Variants in MCMBP observed in about 807,000 individuals in gnomAD.
The protein encoded by MCMBP is mini-chromosome maintenance complex-binding protein.
Under a neutral mutation model 81.3 loss-of-function variants are expected in MCMBP, and 31 were observed. The ratio of observed to expected loss-of-function variants is 0.38; its 90% CI spans 0.29 to 0.51. The LOEUF (loss-of-function observed/expected upper bound fraction) is 0.51. MCMBP is among the 20% of genes least tolerant of loss of function. MCMBP has a pLI of 0.87. For synonymous variants in MCMBP, 267 were observed against 275.9 expected, an observed-to-expected ratio of 0.97 and a Z score of 0.32; for missense variants, 645 against 772.1, an observed-to-expected ratio of 0.84 and a Z score of 1.95.
rs532897666 is a variant in MCMBP at position 119,834,606 on chromosome 10, C to G, written c.1707+934G>C. On this transcript the variant is annotated intron_variant, in intron 14 of 15. Coordinates refer to ENST00000369077, the MANE Select transcript of MCMBP (RefSeq NM_001256378.2). ...CTAAGGAGAGAGGATCACTTGAACC[C>G]AGGAGTTCGAGACTAGCCTGGGCAA... Among the ~76,000 whole-genome samples, 4 of 152,010 alleles carry G rather than the reference C, an allele frequency of 2.6e-5. No individual in the cohort carries two copies. The South Asian group carries it at 8.3e-4, about 32-fold the overall frequency.
At chr10:119,870,424 G>A (rs1158260610) in intron 1 of MCMBP, among the ~76,000 whole-genome samples, 3 of 151,724 alleles carry the variant, frequency 2.0e-5, no homozygotes, top group Non-Finnish European at 4.4e-5. Context: ...TCCAGCCTGG[G>A]TGACAGTGCG....
intron 5 of MCMBP, among the ~76,000 whole-genome samples, chr10:119,856,989 A>T (rs1853070436): frequency 6.6e-6 from 1 of 150,842 alleles, no homozygotes; most frequent in African/African-American, 2.4e-5. Flanking sequence ...GGTCCCAGCT[A>T]CTTGGGAGGC....
chr10:119,866,785 A>G (rs1853472194), intron 1 of MCMBP, among the ~76,000 whole-genome samples: 1 of 152,338 alleles, frequency 6.6e-6, no homozygotes, highest in South Asian at 2.1e-4. Flanking sequence ...CAACATAGTG[A>G]AACACCATCT....
chr10:119,872,391 G>A, intron 1 of MCMBP, 136 bp downstream of exon 1: 2 of 355,146 alleles, frequency 5.6e-6, no homozygotes, highest in Non-Finnish European at 9.0e-6. Context: ...TGGGGCCGGT[G>A]CAGGCCCCGG....
At chr10:119,837,112 T>C in intron 12 of MCMBP, 83 bp from the exon 13 acceptor site, 2 of 1,417,694 alleles carry the variant, frequency 1.4e-6, no homozygotes, top group South Asian at 1.3e-5. Context: ...TGATGAGCCA[T>C]GAAGTTTCTA....
At chr10:119,858,666 T>C (rs545711714) in intron 4 of MCMBP, among the ~76,000 whole-genome samples, 1 of 152,244 alleles carries the variant, frequency 6.6e-6, no homozygotes, top group Non-Finnish European at 1.5e-5. Flanking sequence ...GAGAGAGGAA[T>C]TAATTTTGGC....
chr10:119,836,241 C>T (rs565220155), intron 13 of MCMBP, among the ~76,000 whole-genome samples: 1 of 152,298 alleles, frequency 6.6e-6, no homozygotes, highest in South Asian at 2.1e-4. Flanking sequence ...AGTAAGCACA[C>T]AAAAATGTAG....
intron 8 of MCMBP, among the ~76,000 whole-genome samples, chr10:119,845,366 AAAC>A (rs1389433958): frequency 2.0e-5 from 3 of 152,216 alleles, no homozygotes; most frequent in Non-Finnish European, 4.4e-5. Context: ...TCTCAAAACA[AAAC>A]AAAAATGAAT....
At chr10:119,842,755 G>A in intron 9 of MCMBP, 160 bp from the exon 10 acceptor site, 1 of 701,674 alleles carries the variant, frequency 1.4e-6, no homozygotes, top group South Asian at 2.2e-5. Context: ...AAATAAGGCA[G>A]TTTGCATCCT....
At chr10:119,859,291 C>A (rs1853161847) in intron 2 of MCMBP, 110 bp from the exon 3 acceptor site, 1 of 842,826 alleles carries the variant, frequency 1.2e-6, no homozygotes, top group Admixed American at 2.8e-5. Flanking sequence ...CACACACACA[C>A]ACACACACAC....
At chr10:119,868,543 C>T (rs1036908282) in intron 1 of MCMBP, among the ~76,000 whole-genome samples, 63 of 152,304 alleles carry the variant, frequency 4.1e-4, no homozygotes, top group African/African-American at 1.5e-3. Context: ...CCACTGAGCA[C>T]TTTCAATGTA....
Position 119,835,583 on chromosome 10 carries a change from A to G in MCMBP, c.1664T>C (p.Leu555Pro). The change falls in exon 14 of 16, where the codon CTT becomes CCT. Residue 555 changes from leucine to proline, a missense_variant. Leu to Pro is a moderately conservative substitution (Grantham distance 98). Coordinates refer to ENST00000369077, the MANE Select transcript of MCMBP (RefSeq NM_001256378.2). ...TATGCTATATTCCAAGAATCTCAAA[A>G]GAGTTAGATAAATGCGGAATTTGTT... ...VLNKFRIYLT[L>P]LRFLEYSISD... 1 of 1,614,226 alleles carries G rather than the reference A, an allele frequency of 6.2e-7. No individual in the cohort carries two copies. Among genetic ancestry groups the G allele is most frequent in the Non-Finnish European group, 8.5e-7 (1 of 1,180,024 alleles).
chr10:119,855,092 T>C (rs1852983221), intron 5 of MCMBP, among the ~76,000 whole-genome samples: 1 of 151,978 alleles, frequency 6.6e-6, no homozygotes, highest in Non-Finnish European at 1.5e-5. Flanking sequence ...AAAACAAAAA[T>C]AGTATGTTGT....
chr10:119,872,129 T>C (rs909768416), intron 1 of MCMBP, among the ~76,000 whole-genome samples: 1 of 151,964 alleles, frequency 6.6e-6, no homozygotes, highest in Non-Finnish European at 1.5e-5. Context: ...ACAGGCAAAG[T>C]GGTTTTCCCT....
chr10:119,853,787 T>C (rs1408056099), intron 5 of MCMBP, among the ~76,000 whole-genome samples: 1 of 152,210 alleles, frequency 6.6e-6, no homozygotes, highest in Non-Finnish European at 1.5e-5. Context: ...ACTCTGGAAG[T>C]AGTATAATAC....
intron 1 of MCMBP, among the ~76,000 whole-genome samples, chr10:119,866,981 A>G (rs140139466): frequency 6.0e-4 from 91 of 151,150 alleles, no homozygotes; most frequent in African/African-American, 2.1e-3. Flanking sequence ...AAACCTCTAA[A>G]AGCAAAAACA....
At chr10:119,867,425 C>A (rs928506773) in intron 1 of MCMBP, among the ~76,000 whole-genome samples, 2 of 151,122 alleles carry the variant, frequency 1.3e-5, no homozygotes, top group Non-Finnish European at 2.9e-5. Context: ...AAAACTCCTA[C>A]GTATGCCATC....
chr10:119,831,679 C>T, intron 15 of MCMBP, 79 bp from the exon 16 acceptor site: 1 of 1,522,668 alleles, frequency 6.6e-7, no homozygotes, highest in Non-Finnish European at 8.9e-7. Flanking sequence ...CCTAGGAATA[C>T]TTTGTGAAAA....
chr10:119,863,178 T>C (rs1010804652), intron 1 of MCMBP, among the ~76,000 whole-genome samples: 2 of 152,176 alleles, frequency 1.3e-5, no homozygotes, highest in Non-Finnish European at 2.9e-5. Flanking sequence ...TTATCAAATT[T>C]TTGTTTTACG....
Sources: allele counts gnomAD v4.1 joint callset (sites outside exome capture counted in the v4.1 genomes callset), GRCh38; gene constraint gnomAD v4.1.1; transcripts MANE v1.5; gene names NCBI Gene and HGNC (gene_info 2026-07-23, HGNC 2026-07-21).